The following BCL2L13 variants were observed in gnomAD, a reference collection of about 807,000 sequenced individuals.
BCL2L13 encodes the protein bcl-2-like protein 13.
In BCL2L13, 13 loss-of-function variants were observed where a neutral mutation model predicts 25.8. That is an observed-to-expected ratio of 0.50 (90% CI 0.33 to 0.80). BCL2L13 has a LOEUF of 0.80. Among genes scored for constraint, BCL2L13 ranks in the 30% least tolerant of loss-of-function variants. BCL2L13 has a pLI of 0.02. For missense variants in BCL2L13, 504 were observed against 574.9 expected (o/e 0.88, Z 1.26); for synonymous variants, 244 against 230.3 (o/e 1.06, Z -0.54).
chr22:17,714,800 C>T (rs1289179568), intron 6 of BCL2L13, among the ~76,000 whole-genome samples: 3 of 151,904 alleles, frequency 2.0e-5, no homozygotes, highest in African/African-American at 4.8e-5. Context: ...CGTATATTTC[C>T]TCTTCAGAGA....
At chr22:17,686,899 G>A (rs1200636975) in intron 3 of BCL2L13, among the ~76,000 whole-genome samples, 1 of 152,024 alleles carries the variant, frequency 6.6e-6, no homozygotes, top group Non-Finnish European at 1.5e-5. Context: ...TAGTAAAATG[G>A]GCAAAAGGTA....
intron 6 of BCL2L13, among the ~76,000 whole-genome samples, chr22:17,718,407 G>A (rs1449714138): frequency 2.0e-5 from 3 of 152,192 alleles, no homozygotes; most frequent in Non-Finnish European, 4.4e-5. Flanking sequence ...TCTTCAGTAC[G>A]ACAAGCATTC....
chr22:17,721,376 T>C (rs2061124409), intron 6 of BCL2L13, among the ~76,000 whole-genome samples: 1 of 152,048 alleles, frequency 6.6e-6, no homozygotes, highest in Non-Finnish European at 1.5e-5. Context: ...TTTTTGTTAT[T>C]TTTTAATTTA....
At chr22:17,709,310 T>C (rs569440602) in intron 6 of BCL2L13, among the ~76,000 whole-genome samples, 81 of 151,704 alleles carry the variant, frequency 5.3e-4, no homozygotes, top group Non-Finnish European at 9.6e-4. Context: ...AATATAAAAC[T>C]GAGGCTGGAC....
rs185272170 is a variant in BCL2L13 at position 17,728,529 on chromosome 22, G to T, written c.*995G>T. 6.6e-6 allele frequency: 1 copy of T among 152,158 alleles called. No homozygotes were observed. Among genetic ancestry groups the T allele is most frequent in the Non-Finnish European group, 1.5e-5 (1 of 68,036 alleles). 9.4% of individuals were successfully genotyped at this position (152,158 alleles called of 1,614,324 possible). Reference sequence around the variant, plus strand: ...CCAGCAACATCTCTATTGCTGGATGGTCCCTGTCTATAACCTTGGGCTAGT... The same window carrying T: ...CCAGCAACATCTCTATTGCTGGATGTTCCCTGTCTATAACCTTGGGCTAGT... On this transcript the variant is annotated 3_prime_UTR_variant, in exon 7 of 7. Coordinates refer to ENST00000317582, the MANE Select transcript of BCL2L13 (RefSeq NM_015367.4).
At chr22:17,641,276 C>T (rs906453679) in intron 1 of BCL2L13, among the ~76,000 whole-genome samples, 8 of 152,172 alleles carry the variant, frequency 5.3e-5, no homozygotes, top group African/African-American at 1.7e-4. Context: ...CTGCATTTAT[C>T]ATTTTTTAGA....
At chr22:17,651,933 A>G (rs1028833257) in intron 1 of BCL2L13, among the ~76,000 whole-genome samples, 23 of 151,396 alleles carry the variant, frequency 1.5e-4, no homozygotes, top group African/African-American at 5.6e-4. Flanking sequence ...TGCGTGATCC[A>G]CCTGCCTTGG....
rs1488816236 is a variant in BCL2L13 at position 17,726,762 on chromosome 22, G to C, written c.686G>C (p.Ser229Thr). Residue 229 changes from serine to threonine, a missense_variant, in exon 7 of 7, where the codon AGC becomes ACC. By Grantham distance (58) the Ser-to-Thr change is moderately conservative. Coordinates refer to ENST00000317582, the MANE Select transcript of BCL2L13 (RefSeq NM_015367.4). ...EDSNDIYILP[S>T]DNSGQVSPPE... is the part of the protein sequence containing the mutation. ...AGCAATGACATTTACATCCTGCCCA[G>C]CGACAACTCTGGACAAGTCAGTCCC... 1 of 1,614,210 alleles carries C rather than the reference G, an allele frequency of 6.2e-7. No homozygotes were observed. The highest frequency in any genetic ancestry group is 2.2e-5 in the East Asian group (1 of 44,886).
intron 2 of BCL2L13, among the ~76,000 whole-genome samples, chr22:17,679,332 C>T (rs375364249): frequency 4.6e-5 from 6 of 130,722 alleles, no homozygotes; most frequent in Admixed American, 9.2e-5. Flanking sequence ...TGCAATGGTG[C>T]GATCTCTGCT....
At chr22:17,710,428 A>AG (rs1452384394) in intron 6 of BCL2L13, among the ~76,000 whole-genome samples, 15 of 151,728 alleles carry the variant, frequency 9.9e-5, no homozygotes, top group Admixed American at 9.9e-4. Flanking sequence ...TTAAAAAAAA[A>AG]AATTCTCCGG....
At chr22:17,704,987 C>CA (rs138284178) in intron 6 of BCL2L13, among the ~76,000 whole-genome samples, 2,812 of 114,046 alleles carry the variant, frequency 0.025, 79 homozygotes, top group African/African-American at 0.069. Context: ...GAAAGATAGG[C>CA]AAAAAAAAAA....
intron 1 of BCL2L13, among the ~76,000 whole-genome samples, chr22:17,639,943 C>T (rs2058212786): frequency 6.6e-6 from 1 of 152,084 alleles, no homozygotes. Context: ...CAACCTCCGC[C>T]TCCTGGGTTC....
In BCL2L13 at chr22:17,702,218, T is replaced by C. The variant is rs758823866; in HGVS notation, c.457-25T>C. 46 of 1,562,468 alleles carry C rather than the reference T, an allele frequency of 2.9e-5. 1 individual carries two copies. The East Asian group carries it at 1.0e-3, about 34-fold the overall frequency. ...ATTATAAGAATTTCAGTGTGGTTTT[T>C]TATTCTCTCATCTTTGCATTGAAGA... On this transcript the variant is annotated intron_variant, in intron 5 of 6. Transcript: ENST00000317582.
intron 1 of BCL2L13, among the ~76,000 whole-genome samples, chr22:17,639,450 C>T (rs1041031223): frequency 3.9e-5 from 6 of 152,170 alleles, no homozygotes; most frequent in African/African-American, 1.4e-4. Flanking sequence ...GAGTCATTTT[C>T]CCCCTTTGAT....
chr22:17,632,685 G>A (rs5992772), intron 1 of BCL2L13, among the ~76,000 whole-genome samples: 11,512 of 151,638 alleles, frequency 0.076, 509 homozygotes, highest in African/African-American at 0.11. Context: ...AATGGATGTA[G>A]CACTGTCTAG....
chr22:17,688,958 T>C, intron 3 of BCL2L13, 28 bp from the exon 4 acceptor site: 2 of 1,601,324 alleles, frequency 1.2e-6, no homozygotes, highest in Non-Finnish European at 1.7e-6. Flanking sequence ...GTTTATTATA[T>C]TAGGTTTTTC....
intron 6 of BCL2L13, among the ~76,000 whole-genome samples, chr22:17,705,556 C>T (rs2060567183): frequency 6.6e-6 from 1 of 151,938 alleles, no homozygotes; most frequent in Non-Finnish European, 1.5e-5. Flanking sequence ...CTCAGCCTCC[C>T]AAAGTGCTGG....
At chr22:17,669,784 C>G (rs1307240128) in intron 2 of BCL2L13, among the ~76,000 whole-genome samples, 1 of 152,200 alleles carries the variant, frequency 6.6e-6, no homozygotes, top group East Asian at 1.9e-4. Context: ...AGACCTGGAG[C>G]TCACACATTA....
At chr22:17,630,529 C>T (rs555061983) in intron 1 of BCL2L13, among the ~76,000 whole-genome samples, 4 of 151,516 alleles carry the variant, frequency 2.6e-5, no homozygotes, top group South Asian at 2.1e-4. Flanking sequence ...CCACCTGCCT[C>T]GGCCTCCGAG....
Sources: gnomAD v4.1 joint callset for allele counts (sites outside exome capture counted in the v4.1 genomes callset) on GRCh38, gnomAD v4.1.1 for gene constraint, MANE v1.5 for transcripts, NCBI Gene and HGNC (gene_info 2026-07-23, HGNC 2026-07-21) for gene names.